The following MGAT5 variants were observed in gnomAD, a reference collection of about 807,000 sequenced individuals.
The protein encoded by MGAT5 is alpha-1,6-mannosylglycoprotein 6-beta-N-acetylglucosaminyltransferase, also known as alpha-1,6-mannosylglycoprotein 6-beta-N-acetylglucosaminyltransferase A.
A neutral mutation model predicts 94.3 loss-of-function variants in MGAT5; 30 were observed. The observed-to-expected ratio is 0.32, with a 90% CI of 0.24 to 0.43. The LOEUF (loss-of-function observed/expected upper bound fraction) is 0.43, where lower values mean the gene tolerates loss of function less well. Ranked by LOEUF, MGAT5 falls within the 20% of genes least tolerant of loss-of-function variation. The pLI, the probability that MGAT5 is intolerant of heterozygous loss-of-function variation, is 1.00. For synonymous variants in MGAT5, 310 were observed against 322.9 expected, an observed-to-expected ratio of 0.96 and a Z score of 0.43; for missense variants, 691 against 905.5, an observed-to-expected ratio of 0.76 and a Z score of 3.04.
At chr2:134,351,108 T>A (rs1457281082) in intron 9 of MGAT5, among the ~76,000 whole-genome samples, 1 of 152,206 alleles carries the variant, frequency 6.6e-6, no homozygotes, top group Non-Finnish European at 1.5e-5. Flanking sequence ...CATCCTTAAG[T>A]GTTCTATTAA....
chr2:134,280,572 TC>T (rs1410845363), intron 2 of MGAT5, among the ~76,000 whole-genome samples: 15 of 152,384 alleles, frequency 9.8e-5, no homozygotes, highest in African/African-American at 3.6e-4. Context: ...GTGGAAACTT[TC>T]CTTTACCTTG....
intron 1 of MGAT5, among the ~76,000 whole-genome samples, chr2:134,179,360 G>C (rs1011203318): frequency 6.6e-6 from 1 of 152,156 alleles, no homozygotes; most frequent in African/African-American, 2.4e-5. Context: ...TGTGATTTCA[G>C]TGTTAAAGAA....
intron 1 of MGAT5, among the ~76,000 whole-genome samples, chr2:134,120,838 G>A (rs1187964818): frequency 6.6e-6 from 1 of 151,928 alleles, no homozygotes; most frequent in African/African-American, 2.4e-5. Flanking sequence ...GAGGAGGGAT[G>A]CGGCGGGCTG....
chr2:134,226,573 G>C (rs1036475912), intron 1 of MGAT5, among the ~76,000 whole-genome samples: 5 of 152,296 alleles, frequency 3.3e-5, no homozygotes, highest in Middle Eastern at 6.8e-3. Context: ...GGTTTTGGAA[G>C]TTCATTCTCT....
In MGAT5 at chr2:134,450,622, C is replaced by T. The variant is rs1002031606; in HGVS notation, c.*1775C>T. The T allele has an allele frequency of 6.6e-6, 1 of 152,246 alleles. No homozygotes were observed. Among genetic ancestry groups the T allele is most frequent in the Non-Finnish European group, 1.5e-5 (1 of 68,152 alleles). The allele number at this position is 152,246 out of a possible 1,614,324, so 9.4% of individuals were successfully genotyped here. A position where few individuals can be genotyped will look rare whatever the true frequency, so the allele number is the denominator to read the frequency against. On this transcript the variant is annotated 3_prime_UTR_variant, in exon 16 of 16. Coordinates refer to ENST00000281923, the MANE Select transcript of MGAT5 (RefSeq NM_002410.5). ...GGGTGGGGGGCACCCGGGGCCTCCT[C>T]CACTCCTTAGGTGGCCCCCAAGCAC...
intron 10 of MGAT5, among the ~76,000 whole-genome samples, chr2:134,386,328 A>C (rs1681970339): frequency 6.6e-6 from 1 of 152,276 alleles, no homozygotes. Context: ...AAATGTTGGC[A>C]TTAAAATTTC....
chr2:134,297,474 C>T, intron 2 of MGAT5, among the ~76,000 whole-genome samples: 1 of 152,120 alleles, frequency 6.6e-6, no homozygotes, highest in East Asian at 1.9e-4. Flanking sequence ...CTCCTATAAA[C>T]ACTGACACAA....
chr2:134,363,922 G>A (rs1287317057), intron 10 of MGAT5, among the ~76,000 whole-genome samples: 1 of 152,304 alleles, frequency 6.6e-6, no homozygotes, highest in East Asian at 1.9e-4. Context: ...TGCTCAGCTT[G>A]TTTGTGAAAT....
At chr2:134,399,552 A>G (rs1682916692) in intron 10 of MGAT5, among the ~76,000 whole-genome samples, 1 of 152,202 alleles carries the variant, frequency 6.6e-6, no homozygotes, top group Admixed American at 6.5e-5. Flanking sequence ...TAAAAGCATT[A>G]GGGGGGTTGC....
chr2:134,181,208 T>C (rs1688716451), intron 1 of MGAT5, among the ~76,000 whole-genome samples: 1 of 152,084 alleles, frequency 6.6e-6, no homozygotes, highest in South Asian at 2.1e-4. Flanking sequence ...GTTGGGAGAG[T>C]GTTACTGGCA....
chr2:134,448,618 C>T (rs1395426394), intron 15 of MGAT5, 31 bp from the exon 16 acceptor site: 1 of 1,608,640 alleles, frequency 6.2e-7, no homozygotes, highest in African/African-American at 1.3e-5. Flanking sequence ...CCCTTCATCA[C>T]CAACACTTGT....
chr2:134,204,026 A>T (rs1558986354), intron 1 of MGAT5, among the ~76,000 whole-genome samples: 1 of 152,234 alleles, frequency 6.6e-6, no homozygotes, highest in Non-Finnish European at 1.5e-5. Flanking sequence ...CATTCCATTT[A>T]ACAGTGACCC....
At chr2:134,345,750 A>T (rs1268392714) in intron 8 of MGAT5, among the ~76,000 whole-genome samples, 1 of 152,162 alleles carries the variant, frequency 6.6e-6, no homozygotes, top group Non-Finnish European at 1.5e-5. Context: ...GTTTGATGCT[A>T]CTCTGTGTCC....
chr2:134,307,900 G>A (rs935755494), intron 2 of MGAT5, among the ~76,000 whole-genome samples: 2 of 152,122 alleles, frequency 1.3e-5, no homozygotes, highest in African/African-American at 4.8e-5. Context: ...ATTAAAAAAG[G>A]GGGTAGCAGA....
chr2:134,265,336 G>T (rs1180304802), intron 1 of MGAT5, among the ~76,000 whole-genome samples: 1 of 152,184 alleles, frequency 6.6e-6, no homozygotes, highest in Non-Finnish European at 1.5e-5. Context: ...GAATTCCAGA[G>T]ATGGAGAAAA....
chr2:134,423,567 G>A (rs1051027760), intron 13 of MGAT5, among the ~76,000 whole-genome samples: 13 of 152,256 alleles, frequency 8.5e-5, no homozygotes, highest in African/African-American at 3.1e-4. Context: ...GGAGCCCACC[G>A]TGGACTCTCA....
intron 10 of MGAT5, among the ~76,000 whole-genome samples, chr2:134,392,045 C>G (rs1385340970): frequency 6.6e-6 from 1 of 152,150 alleles, no homozygotes; most frequent in Non-Finnish European, 1.5e-5. Flanking sequence ...GCATTGGTAA[C>G]AGGGCAGAGC....
chr2:134,429,859 C>A (rs1319927622), intron 14 of MGAT5, among the ~76,000 whole-genome samples: 1 of 152,184 alleles, frequency 6.6e-6, no homozygotes, highest in Non-Finnish European at 1.5e-5. Context: ...ACATCTAATT[C>A]TCACAGTAAT....
At chr2:134,225,694 C>T (rs1268833686) in intron 1 of MGAT5, among the ~76,000 whole-genome samples, 2 of 152,110 alleles carry the variant, frequency 1.3e-5, no homozygotes, top group Admixed American at 6.5e-5. Context: ...CATTATAGGA[C>T]ATGCTGGAGA....
Sources: allele counts gnomAD v4.1 joint callset (sites outside exome capture counted in the v4.1 genomes callset), GRCh38; gene constraint gnomAD v4.1.1; transcripts MANE v1.5; gene names NCBI Gene and HGNC (gene_info 2026-07-23, HGNC 2026-07-21).